TANC2: variants seen among roughly 807,000 people sequenced by gnomAD.
The protein encoded by TANC2 is tetratricopeptide repeat, ankyrin repeat and coiled-coil containing 2, also known as protein TANC2.
In TANC2, 26 loss-of-function variants were observed where a neutral mutation model predicts 210.5. That is an observed-to-expected ratio of 0.12 (90% confidence interval 0.09 to 0.17). TANC2 has a LOEUF of 0.17. TANC2 is among the 10% of genes least tolerant of loss of function. The pLI, the probability that TANC2 is intolerant of heterozygous loss-of-function variation, is 1.00. For missense variants in TANC2, 2,129 were observed against 2,608.9 expected (o/e 0.82, Z 4.01); for synonymous variants, 931 against 967.1 (o/e 0.96, Z 0.69).
chr17:63,090,138 G>A (rs983522051), intron 3 of TANC2, among the ~76,000 whole-genome samples: 1 of 151,038 alleles, frequency 6.6e-6, no homozygotes, highest in Non-Finnish European at 1.5e-5. Context: ...TAATACTATA[G>A]TATTTCCCAG....
At position 63,358,976 on chromosome 17, in the gene TANC2, TTGTGTG is replaced by T. The variant is rs34338483; in HGVS notation, c.2582+3612_2582+3617del. On this transcript the variant is annotated intron_variant, in intron 14 of 27. Coordinates refer to ENST00000689528, the Ensembl canonical transcript of TANC2. The stretch of plus-strand genomic sequence containing the variant: ...ATAGGAACGGCTCTCAGATTAATAT[TTGTGTG>T]TGTGTGTGTGTGTGTGTGTGTGTGT... Among the ~76,000 whole-genome samples, 336 of 147,900 alleles carry T rather than the reference TTGTGTG, an allele frequency of 2.3e-3. 2 individuals carry two copies. Among genetic ancestry groups the T allele is most frequent in the African/African-American group, 2.5e-3 (101 of 39,780 alleles).
At chr17:62,972,700 G>A (rs1055607629) in intron 1 of TANC2, among the ~76,000 whole-genome samples, 7 of 152,258 alleles carry the variant, frequency 4.6e-5, no homozygotes, top group Middle Eastern at 3.4e-3. Context: ...TTAGCAAACC[G>A]TTTAAGGTCC....
chr17:63,029,361 A>G (rs1047698209), intron 2 of TANC2, among the ~76,000 whole-genome samples: 23 of 152,108 alleles, frequency 1.5e-4, no homozygotes, highest in African/African-American at 4.8e-4. Context: ...TTGGAACAGA[A>G]ATATCTCTTA....
chr17:63,346,541 GAGAATACCACTTCACACCCATT>G (rs548684307), intron 12 of TANC2, among the ~76,000 whole-genome samples: 150 of 152,186 alleles, frequency 9.9e-4, no homozygotes, highest in African/African-American at 3.2e-3. Flanking sequence ...AAATTACAAT[GAGAATACCACTTCACACCCATT>G]AGAATACCAC....
At chr17:63,253,805 TTTG>T (rs573229154) in intron 8 of TANC2, among the ~76,000 whole-genome samples, 5 of 150,636 alleles carry the variant, frequency 3.3e-5, no homozygotes, top group Non-Finnish European at 7.4e-5. Flanking sequence ...TTTGAGGGTT[TTTG>T]TTGTTGTTGT....
chr17:62,986,289 G>A (rs1405200122), intron 1 of TANC2, among the ~76,000 whole-genome samples: 2 of 152,142 alleles, frequency 1.3e-5, no homozygotes, highest in South Asian at 4.1e-4. Context: ...TTTGGAAGCC[G>A]GGGACATTAC....
chr17:63,372,018 A>G (rs1461421550), intron 14 of TANC2, among the ~76,000 whole-genome samples: 1 of 152,184 alleles, frequency 6.6e-6, no homozygotes, highest in African/African-American at 2.4e-5. Context: ...ACTTTTGTCA[A>G]AACACGCATA....
intron 12 of TANC2, among the ~76,000 whole-genome samples, chr17:63,349,101 T>G (rs2046511741): frequency 6.6e-6 from 1 of 152,002 alleles, no homozygotes; most frequent in Non-Finnish European, 1.5e-5. Flanking sequence ...AAGTAATTCC[T>G]TCAAAACAGG....
At chr17:63,031,340 A>G (rs1212771525) in intron 2 of TANC2, among the ~76,000 whole-genome samples, 1 of 152,102 alleles carries the variant, frequency 6.6e-6, no homozygotes, top group Non-Finnish European at 1.5e-5. Context: ...CATCCTAACC[A>G]CAGAAGGCTT....
intron 4 of TANC2, among the ~76,000 whole-genome samples, chr17:63,146,471 C>T (rs1567761965): frequency 6.6e-6 from 1 of 152,180 alleles, no homozygotes; most frequent in Non-Finnish European, 1.5e-5. Flanking sequence ...GTTAACTTTA[C>T]TAAATATACT....
chr17:63,010,218 T>G (rs550236074), intron 2 of TANC2, among the ~76,000 whole-genome samples: 27 of 152,144 alleles, frequency 1.8e-4, no homozygotes, highest in Non-Finnish European at 2.6e-4. Flanking sequence ...TCAACTTATT[T>G]TTCTGCAGTT....
intron 2 of TANC2, among the ~76,000 whole-genome samples, chr17:63,040,809 A>T (rs1259214700): frequency 6.6e-6 from 1 of 152,186 alleles, no homozygotes; most frequent in Non-Finnish European, 1.5e-5. Context: ...TGCTGCTGGT[A>T]TATTATTTTA....
In TANC2 at chr17:63,421,156, A is replaced by G. The variant is rs752209041; in HGVS notation, c.5426A>G (p.Tyr1809Cys). 73 of 1,613,746 alleles carry G rather than the reference A, an allele frequency of 4.5e-5. No homozygotes were observed. Among genetic ancestry groups the G allele is most frequent in the South Asian group, 1.2e-4 (11 of 91,084 alleles). Residue 1809 changes from tyrosine to cysteine, a missense_variant, in exon 28 of 28, where the codon TAT becomes TGT. Tyr to Cys is a radical substitution (Grantham distance 194, BLOSUM62 -2). This residue lies in a region of TANC2 where 584 missense variants were observed against 627.3 expected (regional missense o/e 0.93). Coordinates refer to ENST00000689528, the Ensembl canonical transcript of TANC2. The surrounding 1 kb of genome is among the most constrained non-coding windows in gnomAD (Gnocchi z 6.9). ...ATCGGACGCAGCCAGTCAGCATCCT[A>G]TTACCCAGTCTGTCACTCAAAACTA...
In TANC2 at chr17:63,171,456, A is replaced by G. The variant is rs149322318; in HGVS notation, c.433+20076A>G. Among the ~76,000 whole-genome samples, 756 of 152,312 alleles carry G rather than the reference A, an allele frequency of 5.0e-3. 9 individuals are homozygous for G. Among genetic ancestry groups the G allele is most frequent in the African/African-American group, 0.017 (722 of 41,574 alleles). ...CTGCTTTTATATTACCTTCTACAGT[A>G]GTCACAATAGTTACATTATAATTCT... On this transcript the variant is annotated intron_variant, in intron 5 of 27. Transcript: ENST00000689528.
At chr17:63,158,817 A>G (rs559808316) in intron 5 of TANC2, among the ~76,000 whole-genome samples, 2 of 152,344 alleles carry the variant, frequency 1.3e-5, no homozygotes, top group African/African-American at 2.4e-5. Context: ...TGGCTCTCAC[A>G]GGTTGCAATC....
intron 3 of TANC2, among the ~76,000 whole-genome samples, chr17:63,081,738 A>AT (rs1365698085): frequency 2.0e-5 from 3 of 152,240 alleles, no homozygotes; most frequent in African/African-American, 7.2e-5. Flanking sequence ...CCCCAAGCAC[A>AT]TTTTGTATCA....
intron 2 of TANC2, among the ~76,000 whole-genome samples, chr17:63,021,142 T>C (rs11871778): frequency 0.4 from 61,168 of 152,124 alleles, 14,904 homozygotes; most frequent in East Asian, 0.84. Context: ...ATCCATTGCA[T>C]ATTGAACTTA....
chr17:63,090,488 C>T (rs2037144463), intron 3 of TANC2, among the ~76,000 whole-genome samples: 1 of 152,038 alleles, frequency 6.6e-6, no homozygotes, highest in South Asian at 2.1e-4. Flanking sequence ...ATAGTTTGCT[C>T]AGAATGATGG....
chr17:63,271,027 A>G (rs2043685479), intron 9 of TANC2, among the ~76,000 whole-genome samples: 1 of 152,134 alleles, frequency 6.6e-6, no homozygotes, highest in African/African-American at 2.4e-5. Flanking sequence ...ATGGTATTCC[A>G]TGGTGTGTAT....
Sources: allele counts gnomAD v4.1 joint callset (sites outside exome capture counted in the v4.1 genomes callset), GRCh38; gene constraint gnomAD v4.1.1; regional missense constraint gnomAD v4.1.1; non-coding constraint Gnocchi (gnomAD v3.1); transcripts MANE v1.5; gene names NCBI Gene and HGNC (gene_info 2026-07-23, HGNC 2026-07-21).